The following PCCA variants were observed in gnomAD, a reference collection of about 807,000 sequenced individuals.
PCCA encodes the protein propionyl-CoA carboxylase alpha chain, mitochondrial.
Under a neutral mutation model 101.3 loss-of-function variants are expected in PCCA, and 74 were observed. The ratio of observed to expected loss-of-function variants is 0.73; its 90% CI spans 0.61 to 0.89. PCCA has a LOEUF of 0.89. Among genes scored for constraint, PCCA ranks in the 40% least tolerant of loss-of-function variants. PCCA has a pLI of 0.00. For missense variants in PCCA, 891 were observed against 907.0 expected (o/e 0.98, Z 0.23); for synonymous variants, 294 against 313.6 (o/e 0.94, Z 0.66).
At chr13:100,186,738 C>CAAAA (rs376028376) in intron 6 of PCCA, among the ~76,000 whole-genome samples, 2 of 84,076 alleles carry the variant, frequency 2.4e-5, no homozygotes, top group Non-Finnish European at 4.8e-5. Context: ...GATTCCATCT[C>CAAAA]AAAAAAAAAA....
intron 21 of PCCA, among the ~76,000 whole-genome samples, chr13:100,469,793 CA>C (rs2082854234): frequency 2.0e-5 from 3 of 151,744 alleles, no homozygotes; most frequent in South Asian, 2.1e-4. Flanking sequence ...AAAAAACAAA[CA>C]AAACAAAACA....
chr13:100,327,760 G>A (rs996618699), intron 16 of PCCA, among the ~76,000 whole-genome samples: 12 of 152,106 alleles, frequency 7.9e-5, no homozygotes, highest in Admixed American at 4.6e-4. Context: ...CATGTAAATC[G>A]GTATATTGAC....
intron 19 of PCCA, among the ~76,000 whole-genome samples, chr13:100,401,899 G>A (rs1345060866): frequency 1.3e-5 from 2 of 152,114 alleles, no homozygotes; most frequent in African/African-American, 4.8e-5. Flanking sequence ...ACGTGAAAGT[G>A]AAACCTTAGT....
intron 6 of PCCA, among the ~76,000 whole-genome samples, chr13:100,166,761 T>G (rs545995593): frequency 6.6e-6 from 1 of 152,312 alleles, no homozygotes; most frequent in South Asian, 2.1e-4. Context: ...GGCATATGCT[T>G]TCATTTTTTT....
At chr13:100,191,758 A>G (rs2152449655) in intron 6 of PCCA, among the ~76,000 whole-genome samples, 1 of 152,352 alleles carries the variant, frequency 6.6e-6, no homozygotes, top group South Asian at 2.1e-4. Flanking sequence ...GTGATAACAT[A>G]CACCCAAGGA....
chr13:100,368,669 A>G, intron 19 of PCCA, 95 bp downstream of exon 19: 1 of 789,894 alleles, frequency 1.3e-6, no homozygotes. Flanking sequence ...CGTCTTTTGA[A>G]TTTGTAGTAC....
intron 4 of PCCA, among the ~76,000 whole-genome samples, chr13:100,147,508 T>A (rs950105358): frequency 2.0e-5 from 3 of 152,228 alleles, no homozygotes; most frequent in Non-Finnish European, 2.9e-5. Flanking sequence ...AACACTTTTT[T>A]AAAAATATTG....
chr13:100,368,641 A>G, intron 19 of PCCA, 67 bp downstream of exon 19: 1 of 982,798 alleles, frequency 1.0e-6, no homozygotes, highest in South Asian at 1.3e-5. Context: ...AGCCATTTTT[A>G]ACCTGTTCAG....
At chr13:100,479,339 G>A (rs1483440401) in intron 21 of PCCA, among the ~76,000 whole-genome samples, 1 of 152,164 alleles carries the variant, frequency 6.6e-6, no homozygotes, top group Non-Finnish European at 1.5e-5. Flanking sequence ...CCTAGATACA[G>A]TGGGCCCTTG....
chr13:100,147,313 C>T (rs2052701683), intron 4 of PCCA, among the ~76,000 whole-genome samples: 1 of 152,078 alleles, frequency 6.6e-6, no homozygotes, highest in Non-Finnish European at 1.5e-5. Context: ...TGGGTAATTA[C>T]AATAAAATTG....
At position 100,513,040 on chromosome 13, in the gene PCCA, G is replaced by A. The variant is rs775613924; in HGVS notation, c.1900-2387G>A. On this transcript the variant is annotated intron_variant, in intron 21 of 23. Coordinates refer to ENST00000376285, the MANE Select transcript of PCCA (RefSeq NM_000282.4). ...TTCTGGGGCATCAAAAAGCTTTTAC[G>A]GTTCTCACCAGGCAGTTCATTCTGA... Among the ~76,000 whole-genome samples the A allele has an allele frequency of 3.4e-4, 52 of 152,162 alleles. 1 individual carries two copies. The highest frequency in any genetic ancestry group is 4.0e-4 in the Non-Finnish European group (27 of 68,032).
At chr13:100,371,309 C>G (rs1437354446) in intron 19 of PCCA, among the ~76,000 whole-genome samples, 1 of 152,070 alleles carries the variant, frequency 6.6e-6, no homozygotes, top group Non-Finnish European at 1.5e-5. Context: ...ATTTCATTTA[C>G]AATAGAATGA....
chr13:100,273,478 G>A (rs985845550), intron 12 of PCCA, 132 bp downstream of exon 12: 3 of 729,950 alleles, frequency 4.1e-6, no homozygotes, highest in African/African-American at 1.8e-5. Context: ...TTTTATGCTT[G>A]TGCTAAGACA....
At chr13:100,224,680 A>T (rs1406216417) in intron 7 of PCCA, among the ~76,000 whole-genome samples, 1 of 152,234 alleles carries the variant, frequency 6.6e-6, no homozygotes. Context: ...GGGCCTATGC[A>T]TATAGGATGG....
chr13:100,458,122 G>A (rs768898129), intron 21 of PCCA, among the ~76,000 whole-genome samples: 6 of 152,006 alleles, frequency 3.9e-5, no homozygotes, highest in South Asian at 4.2e-4. Flanking sequence ...CAGTCCTTTC[G>A]CTTATAAACT....
At chr13:100,158,191 A>G (rs1218799617) in intron 6 of PCCA, among the ~76,000 whole-genome samples, 2 of 152,218 alleles carry the variant, frequency 1.3e-5, no homozygotes, top group African/African-American at 4.8e-5. Flanking sequence ...ATATTTGTGT[A>G]TCTAAACATG....
intron 19 of PCCA, among the ~76,000 whole-genome samples, chr13:100,377,327 A>G (rs987369292): frequency 6.6e-6 from 1 of 152,272 alleles, no homozygotes; most frequent in South Asian, 2.1e-4. Context: ...ATGTGATAAC[A>G]GTATAGCTAC....
intron 17 of PCCA, among the ~76,000 whole-genome samples, chr13:100,332,552 C>T (rs1469455430): frequency 1.3e-5 from 2 of 152,050 alleles, no homozygotes; most frequent in East Asian, 3.9e-4. Flanking sequence ...ATAAGTTTGT[C>T]TATATGTATG....
intron 20 of PCCA, among the ~76,000 whole-genome samples, chr13:100,443,033 G>A (rs1049297951): frequency 1.3e-5 from 2 of 152,120 alleles, no homozygotes; most frequent in African/African-American, 4.8e-5. Flanking sequence ...TGGAGCGTTT[G>A]GAGGGTTTGG....
Sources: allele counts gnomAD v4.1 joint callset (sites outside exome capture counted in the v4.1 genomes callset), GRCh38; gene constraint gnomAD v4.1.1; transcripts MANE v1.5; gene names NCBI Gene and HGNC (gene_info 2026-07-23, HGNC 2026-07-21).